The following CREB3L1 variants were observed in gnomAD, a reference collection of about 807,000 sequenced individuals.
The protein encoded by CREB3L1 is cyclic AMP-responsive element-binding protein 3-like protein 1.
A neutral mutation model predicts 54.5 loss-of-function variants in CREB3L1; 33 were observed. The observed-to-expected ratio is 0.61, with a 90% CI of 0.46 to 0.81. CREB3L1 has a LOEUF of 0.81. Ranked by LOEUF, CREB3L1 falls within the 30% of genes least tolerant of loss-of-function variation. CREB3L1 has a pLI of 0.00. For missense variants in CREB3L1, 656 were observed against 673.3 expected, an observed-to-expected ratio of 0.97 and a Z score of 0.29; for synonymous variants, 284 against 286.4, an observed-to-expected ratio of 0.99 and a Z score of 0.08.
chr11:46,298,308 C>T (rs986552248), intron 1 of CREB3L1, among the ~76,000 whole-genome samples: 1 of 152,222 alleles, frequency 6.6e-6, no homozygotes, highest in African/African-American at 2.4e-5. Flanking sequence ...AACCACTCAG[C>T]AGGCAGGGCT....
chr11:46,303,244 T>C (rs1035902912), intron 2 of CREB3L1, among the ~76,000 whole-genome samples: 2 of 152,204 alleles, frequency 1.3e-5, no homozygotes, highest in African/African-American at 4.8e-5. Flanking sequence ...CTCTGTTTCC[T>C]CAGTGATAAA....
At chr11:46,292,778 C>G (rs564190880) in intron 1 of CREB3L1, among the ~76,000 whole-genome samples, 1 of 151,944 alleles carries the variant, frequency 6.6e-6, no homozygotes, top group African/African-American at 2.4e-5. Context: ...CCACACCTGG[C>G]TAATATTTTT....
intron 2 of CREB3L1, among the ~76,000 whole-genome samples, chr11:46,305,746 A>T (rs201162253): frequency 0.45 from 57,902 of 128,198 alleles, 13,602 homozygotes; most frequent in Middle Eastern, 0.53. Context: ...ATATATATAT[A>T]TTTTTTTTTA....
chr11:46,316,079 A>G (rs1053354990), intron 8 of CREB3L1: 1 of 498,436 alleles, frequency 2.0e-6, no homozygotes. Context: ...AGCTTCCACA[A>G]GGTGACCCAG....
intron 1 of CREB3L1, among the ~76,000 whole-genome samples, chr11:46,294,469 G>A (rs949196848): frequency 2.0e-5 from 3 of 152,168 alleles, no homozygotes; most frequent in Non-Finnish European, 2.9e-5. Context: ...GACACAGACT[G>A]TAATGGATGA....
Position 46,317,415 on chromosome 11 carries a change from G to C in CREB3L1, c.1186G>C (p.Glu396Gln). 1.2e-6 allele frequency: 2 copies of C among 1,613,800 alleles called. No individual in the cohort carries two copies. The highest frequency in any genetic ancestry group is 1.1e-5 in the South Asian group (1 of 91,082). The change falls in exon 10 of 12, where the codon GAG (glutamate) becomes CAG (glutamine). Residue 396 changes from glutamate (E) to glutamine (Q), a missense_variant. Around this residue, in one of 3 missense-constraint regions of CREB3L1, gnomAD observed 240 missense variants for 219.8 expected, o/e 1.09. Transcript: ENST00000621158. ...VLGSLVPCLP[E>Q]FSSGSQTVKE... is the part of the protein sequence containing the mutation. ...GGGCTCCCTCGTGCCCTGCCTTCCC[G>C]AGTTCTCCTCCGGCTCCCAGACTGT...
chr11:46,305,669 T>C (rs945671192), intron 2 of CREB3L1, among the ~76,000 whole-genome samples: 2 of 126,678 alleles, frequency 1.6e-5, no homozygotes, highest in African/African-American at 6.7e-5. Flanking sequence ...TGTGTGTATA[T>C]ATATGTGTGT....
chr11:46,308,225 T>C (rs2136352151), intron 3 of CREB3L1, among the ~76,000 whole-genome samples: 1 of 151,028 alleles, frequency 6.6e-6, no homozygotes. Flanking sequence ...TTGGAGTAAC[T>C]GAGGCTCTCG....
At chr11:46,279,768 C>T (rs1034774913) in intron 1 of CREB3L1, among the ~76,000 whole-genome samples, 5 of 152,182 alleles carry the variant, frequency 3.3e-5, no homozygotes, top group Non-Finnish European at 5.9e-5. Flanking sequence ...AGCTCGGACC[C>T]TTGAAGTCAA....
In CREB3L1 at chr11:46,321,142, A is replaced by C. The variant is rs1939647373; in HGVS notation, c.*396A>C. On this transcript the variant is annotated 3_prime_UTR_variant, in exon 12 of 12. Coordinates refer to ENST00000621158, the MANE Select transcript of CREB3L1 (RefSeq NM_052854.4). Reference sequence around the variant, plus strand: ...CCAAGAACAGAAATTGTTTGTAAATAATGAACCTTATTTTTTATTATTGCC... The same window carrying C: ...CCAAGAACAGAAATTGTTTGTAAATCATGAACCTTATTTTTTATTATTGCC... The C allele has an allele frequency of 2.4e-6, 1 of 415,216 alleles. No homozygotes were observed. The highest frequency in any genetic ancestry group is 4.5e-6 in the Non-Finnish European group (1 of 220,972). 25.7% of individuals were successfully genotyped at this position (415,216 alleles called of 1,614,324 possible). A position where few individuals can be genotyped will look rare whatever the true frequency, so the allele number is the denominator to read the frequency against.
intron 3 of CREB3L1, among the ~76,000 whole-genome samples, chr11:46,309,056 G>A (rs145460522): frequency 1.4e-3 from 219 of 152,284 alleles, no homozygotes; most frequent in African/African-American, 4.9e-3. Context: ...AAGCCCACGC[G>A]AGTGAGGTCA....
chr11:46,300,068 C>A lies in CREB3L1; in HGVS notation c.236C>A (p.Thr79Lys). 1.2e-6 allele frequency: 2 copies of A among 1,613,936 alleles called. No individual in the cohort carries two copies. Among genetic ancestry groups the A allele is most frequent in the Non-Finnish European group, 1.7e-6 (2 of 1,179,860 alleles). Residue 79 changes from threonine (T) to lysine (K), a missense_variant, in exon 2 of 12, where the codon ACG becomes AAG. Thr to Lys is a moderately conservative substitution (Grantham distance 78, BLOSUM62 -1). Coordinates refer to ENST00000621158, the MANE Select transcript of CREB3L1 (RefSeq NM_052854.4). The stretch of plus-strand genomic sequence containing the variant: ...TTGGACATGGAACTGGACTCCCCTA[C>A]GCCAGGCATCCAGGCGGAGCACAGC... ...PLLDMELDSP[T>K]PGIQAEHSYS... is the part of the protein sequence containing the mutation.
chr11:46,317,478 G>T lies in CREB3L1; in HGVS notation c.1249G>T (p.Ala417Ser). ...DPLAADGVYT[A>S]SQMPSRSLLF... ...CCTGGCCGCAGACGGCGTCTACACG[G>T]CCAGCCAGAGTGAGTGCCCGCCTGT... The change falls in exon 10 of 12, where the codon GCC becomes TCC. Residue 417 changes from alanine (A) to serine (S), a missense_variant. By Grantham distance (99) the Ala-to-Ser change is moderately conservative. Transcript: ENST00000621158. 1 of 1,609,506 alleles carries T rather than the reference G, an allele frequency of 6.2e-7. No homozygotes were observed. Among genetic ancestry groups the T allele is most frequent in the Non-Finnish European group, 8.5e-7 (1 of 1,179,820 alleles).
intron 2 of CREB3L1, among the ~76,000 whole-genome samples, chr11:46,304,060 GTTC>G (rs762163876): frequency 1.3e-5 from 2 of 152,152 alleles, no homozygotes; most frequent in African/African-American, 2.4e-5. Context: ...AATGAACAGT[GTTC>G]TTCTTATTCC....
At chr11:46,311,911 G>A (rs546463082) in intron 5 of CREB3L1, among the ~76,000 whole-genome samples, 31 of 152,300 alleles carry the variant, frequency 2.0e-4, no homozygotes, top group African/African-American at 6.5e-4. Flanking sequence ...TCCAAGGAGC[G>A]CTGTGTGAGG....
chr11:46,285,474 G>A (rs1485230431), intron 1 of CREB3L1, among the ~76,000 whole-genome samples: 1 of 152,138 alleles, frequency 6.6e-6, no homozygotes, highest in Non-Finnish European at 1.5e-5. Flanking sequence ...AGGAGAAGCT[G>A]GGAGAGGCAG....
chr11:46,318,628 G>A (rs1195846676), intron 10 of CREB3L1, among the ~76,000 whole-genome samples: 1 of 152,208 alleles, frequency 6.6e-6, no homozygotes, highest in Non-Finnish European at 1.5e-5. Flanking sequence ...AACCAGGGTA[G>A]GGCCCAGCAA....
chr11:46,299,964 G>A lies in CREB3L1; in HGVS notation c.132G>A (p.Thr44=), dbSNP rs181804070. ...TTCCTGAGCACCTGGACCACTTTAC[G>A]GAGAACATGGAGGACTTCTCCAATG... is the stretch of plus-strand genomic sequence containing the variant. ...AHFPEHLDHF[T]ENMEDFSNDL... Residue 44 remains threonine, a synonymous_variant, in exon 2 of 12, where the codon ACG becomes ACA. Transcript: ENST00000621158. 69 of 1,613,880 alleles carry A rather than the reference G, an allele frequency of 4.3e-5. No homozygotes were observed. The Middle Eastern group carries it at 9.9e-4, about 23-fold the overall frequency.
rs148550013 is a variant in CREB3L1 at position 46,295,355 on chromosome 11, C to G, written c.103-4580C>G. On this transcript the variant is annotated intron_variant, in intron 1 of 11. Transcript: ENST00000621158. This position sits in a 1 kb window ranked among gnomAD's most constrained non-coding sequence, Gnocchi z 4.6. ...CACGGTAGGACGATTCGAGATGGAG[C>G]TGCAAGGGGATTTAAGGCCCGGCTC... 355 of 152,292 alleles carry G rather than the reference C, an allele frequency of 2.3e-3. 3 individuals carry two copies. The highest frequency in any genetic ancestry group is 3.4e-3 in the Admixed American group (52 of 15,278). The allele number at this position is 152,292 out of a possible 1,614,324, so 9.4% of individuals were successfully genotyped here. A position where few individuals can be genotyped will look rare whatever the true frequency, so the allele number is the denominator to read the frequency against.
Sources: allele counts gnomAD v4.1 joint callset (sites outside exome capture counted in the v4.1 genomes callset), GRCh38; gene constraint gnomAD v4.1.1; regional missense constraint gnomAD v4.1.1; non-coding constraint Gnocchi (gnomAD v3.1); transcripts MANE v1.5; gene names NCBI Gene and HGNC (gene_info 2026-07-23, HGNC 2026-07-21).